The following PDGFRB variants were observed in gnomAD, a reference collection of about 807,000 sequenced individuals.
PDGFRB encodes the protein platelet derived growth factor receptor beta.
PDGFRB carries 42 observed loss-of-function variants against 120.2 expected under a neutral mutation model. That is an observed-to-expected ratio of 0.35 (90% CI 0.27 to 0.45). The LOEUF is 0.45. Ranked by LOEUF, PDGFRB falls within the 20% of genes least tolerant of loss-of-function variation. The pLI is 1.00. For missense variants in PDGFRB, 1,149 were observed against 1,476.3 expected, an observed-to-expected ratio of 0.78 and a Z score of 3.63; for synonymous variants, 586 against 606.8, an observed-to-expected ratio of 0.97 and a Z score of 0.50.
rs1167658274 is a variant in PDGFRB at position 150,132,069 on chromosome 5, G to A, written c.1153C>T (p.Arg385Cys). Reference protein sequence around the residue: ...TRYVSELTLVRVKVAEAGHYT... With the variant: ...TRYVSELTLVCVKVAEAGHYT... ...TGGCCAGCCTCTGCCACCTTCACGC[G>A]AACCAGTGTCAGCTCTGACACATAC... The change falls in exon 8 of 23, where the codon CGC becomes TGC. Residue 385 changes from arginine to cysteine, a missense_variant. Around this residue, in one of 3 missense-constraint regions of PDGFRB, gnomAD observed 879 missense variants for 1,108.6 expected, o/e 0.79. Coordinates refer to ENST00000261799, the MANE Select transcript of PDGFRB (RefSeq NM_002609.4). The surrounding 1 kb of genome is among the most constrained non-coding windows in gnomAD (Gnocchi z 5.0). The A allele has an allele frequency of 3.7e-6, 6 of 1,608,240 alleles. No individual in the cohort carries two copies. Among genetic ancestry groups the A allele is most frequent in the African/African-American group, 1.3e-5 (1 of 74,904 alleles).
At chr5:150,123,527 A>G (rs1760206844) in intron 14 of PDGFRB, among the ~76,000 whole-genome samples, 1 of 152,178 alleles carries the variant, frequency 6.6e-6, no homozygotes, top group South Asian at 2.1e-4. Context: ...TATGTTTTCA[A>G]ACTAAAGCTT....
intron 12 of PDGFRB, 101 bp downstream of exon 12, chr5:150,125,343 AG>A (rs1346066930): frequency 2.0e-6 from 2 of 982,614 alleles, no homozygotes; most frequent in Non-Finnish European, 3.0e-6. Context: ...CACCAGCCCT[AG>A]GTCTCATAGC....
Position 150,135,537 on chromosome 5 carries a change from C to G in PDGFRB, c.364+18G>C, listed in dbSNP as rs370626467. 52 of 1,537,470 alleles carry G rather than the reference C, an allele frequency of 3.4e-5. No homozygotes were observed. Among genetic ancestry groups the G allele is most frequent in the Non-Finnish European group, 3.9e-5 (44 of 1,122,688 alleles). On this transcript the variant is annotated intron_variant, in intron 3 of 22. Transcript: ENST00000261799. ...ACAAGAGGGGTAAGGAGTGGGCACA[C>G]AGGCTGGGAGCCCTTACCTGGCACA...
chr5:150,119,959 C>G (rs1376314677), intron 19 of PDGFRB, 53 bp downstream of exon 19: 1 of 923,062 alleles, frequency 1.1e-6, no homozygotes, highest in Non-Finnish European at 1.8e-6. Context: ...CATGAGTGGT[C>G]GAGGTAGACA....
At position 150,134,063 on chromosome 5, in the gene PDGFRB, T is replaced by G. The variant is rs11740355; in HGVS notation, c.632-55A>C. 0.096 allele frequency: 150,536 copies of G among 1,565,970 alleles called. 8,200 individuals carry two copies. Among genetic ancestry groups the G allele is most frequent in the Non-Finnish European group, 0.11 (120,730 of 1,137,740 alleles). ...GGAAGTCACCACCAGCCACTAGCAC[T>G]TCAGCTTGGGGATAGGGTAGGGGGC... On this transcript the variant is annotated intron_variant, in intron 4 of 22. Transcript: ENST00000261799.
At chr5:150,134,728 T>A in intron 4 of PDGFRB, 22 bp downstream of exon 4, 1 of 1,592,812 alleles carries the variant, frequency 6.3e-7, no homozygotes, top group African/African-American at 1.3e-5. Context: ...CTGCTGAGCA[T>A]CAGGCCAGAA....
rs748119964 is a variant in PDGFRB, at chr5:150,125,465, G to A, written c.1787C>T (p.Pro596Leu). 7 of 1,612,020 alleles carry A rather than the reference G, an allele frequency of 4.3e-6. No individual in the cohort carries two copies. The highest frequency in any genetic ancestry group is 2.2e-5 in the East Asian group (1 of 44,862). The change falls in exon 12 of 23, where the codon CCG (proline) becomes CTG (leucine). Residue 596 changes from proline to leucine, a missense_variant. Physicochemically the swap from Pro to Leu is moderately conservative, Grantham distance 98. Coordinates refer to ENST00000261799, the MANE Select transcript of PDGFRB (RefSeq NM_002609.4). ...CTGACCCAGCACAAGCTGGTCCCGC[G>A]GCAGCTCCCACGTGGAGTCATAGGG... ...QLPYDSTWEL[P>L]RDQLVLGRTL...
chr5:150,133,440 CG>C, intron 6 of PDGFRB, 145 bp downstream of exon 6: 1 of 719,244 alleles, frequency 1.4e-6, no homozygotes, highest in African/African-American at 1.7e-5. Context: ...GACTATACCC[CG>C]GGGCTGTGAC....
At chr5:150,130,216 C>T (rs1170795123) in intron 9 of PDGFRB, among the ~76,000 whole-genome samples, 2 of 152,204 alleles carry the variant, frequency 1.3e-5, no homozygotes, top group East Asian at 3.9e-4. Flanking sequence ...GGGGTAGAGG[C>T]AGAACCTGCA....
At position 150,120,921 on chromosome 5, in the gene PDGFRB, G is replaced by C. The variant is rs570277745; in HGVS notation, c.2553C>G (p.Ile851Met). 2 of 1,613,952 alleles carry C rather than the reference G, an allele frequency of 1.2e-6. No individual in the cohort carries two copies. Among genetic ancestry groups the C allele is most frequent in the African/African-American group, 2.7e-5 (2 of 75,020 alleles). Residue 851 changes from isoleucine to methionine, a missense_variant, in exon 18 of 23, where the codon ATC (isoleucine) becomes ATG (methionine). Physicochemically the swap from Ile to Met is conservative, Grantham distance 10 (BLOSUM62 1). Transcript: ENST00000261799. This position sits in a 1 kb window ranked among gnomAD's most constrained non-coding sequence, Gnocchi z 4.3. ...KICDFGLARD[I>M]MRDSNYISKG... ...TGGAGATGTAATTCGAGTCCCGCATGATGTCTCGAGCCAGGCCAAAGTCAC... is the reference window on the plus strand; with the variant it reads ...TGGAGATGTAATTCGAGTCCCGCATCATGTCTCGAGCCAGGCCAAAGTCAC...
intron 1 of PDGFRB, among the ~76,000 whole-genome samples, chr5:150,152,697 G>A (rs1761109509): frequency 6.6e-6 from 1 of 151,412 alleles, no homozygotes; most frequent in African/African-American, 2.5e-5. Flanking sequence ...GATGGACACG[G>A]ATCTTTGGAA....
intron 20 of PDGFRB, 51 bp downstream of exon 20, chr5:150,119,416 A>G: frequency 1.0e-6 from 1 of 998,028 alleles, no homozygotes; most frequent in Non-Finnish European, 1.6e-6. Flanking sequence ...AGAGTTGGAT[A>G]TCTATTGTTT....
chr5:150,130,056 C>G, intron 9 of PDGFRB, 88 bp from the exon 10 acceptor site: 3 of 1,046,882 alleles, frequency 2.9e-6, no homozygotes, highest in Non-Finnish European at 4.4e-6. Context: ...GGAGGCAGGA[C>G]GTGTCCAGTT....
Position 150,132,961 on chromosome 5 carries a change from AG to A in PDGFRB, c.935-20del. 6.5e-7 allele frequency: 1 copy of A among 1,533,886 alleles called. No individual in the cohort carries two copies. Among genetic ancestry groups the A allele is most frequent in the Non-Finnish European group, 8.8e-7 (1 of 1,134,452 alleles). The stretch of plus-strand genomic sequence containing the variant: ...CCGCTCTCTGCAAGGGGTGACCGTC[AG>A]GGGCGGGGCCCTGGGGGCAGGGCAC... On this transcript the variant is annotated intron_variant, in intron 6 of 22. Transcript: ENST00000261799. The surrounding 1 kb of genome is among the most constrained non-coding windows in gnomAD (Gnocchi z 5.0).
At chr5:150,124,133 G>A (rs1404593015) in intron 14 of PDGFRB, 117 bp downstream of exon 14, 2 of 646,558 alleles carry the variant, frequency 3.1e-6, no homozygotes, top group African/African-American at 3.7e-5. Flanking sequence ...GGAGCGGGTG[G>A]GCACGGACCC....
chr5:150,121,976 C>T lies in PDGFRB; in HGVS notation c.2248G>A (p.Asp750Asn). The change falls in exon 16 of 23, where the codon GAC becomes AAC. Residue 750 changes from aspartate (D) to asparagine (N), a missense_variant. Coordinates refer to ENST00000261799, the MANE Select transcript of PDGFRB (RefSeq NM_002609.4). The surrounding 1 kb of genome is among the most constrained non-coding windows in gnomAD (Gnocchi z 4.1). ...YMDMSKDESVDYVPMLDMKGD... is the reference protein window; with the variant it reads ...YMDMSKDESVNYVPMLDMKGD... ...TTCATGTCCAGCATGGGCACATAGT[C>T]CACCGACTCGTCCTTGCTCATGTCC... The T allele has an allele frequency of 6.2e-7, 1 of 1,613,488 alleles. No individual in the cohort carries two copies. Among genetic ancestry groups the T allele is most frequent in the Non-Finnish European group, 8.5e-7 (1 of 1,179,442 alleles).
At position 150,155,824 on chromosome 5, in the gene PDGFRB, C is replaced by T. The variant is rs7718187; in HGVS notation, c.-434G>A. 5.8e-5 allele frequency: 23 copies of T among 396,838 alleles called. No homozygotes were observed. The highest frequency in any genetic ancestry group is 1.4e-4 in the African/African-American group (7 of 48,586). 24.6% of individuals were successfully genotyped at this position (396,838 alleles called of 1,614,324 possible). On this transcript the variant is annotated 5_prime_UTR_variant, in exon 1 of 23. Transcript: ENST00000261799. ...GAGCGATCCTGGGTCCCAGATAGGG[C>T]GGGCAGTCACTGCTGGCTGCTGGCA...
intron 1 of PDGFRB, among the ~76,000 whole-genome samples, chr5:150,142,634 C>G (rs566485556): frequency 2.3e-4 from 35 of 150,256 alleles, no homozygotes; most frequent in African/African-American, 6.3e-4. Context: ...AGTGGTCCCC[C>G]CTATCTGCAG....
intron 2 of PDGFRB, among the ~76,000 whole-genome samples, chr5:150,136,094 G>A (rs1027258041): frequency 8.5e-5 from 13 of 152,306 alleles, no homozygotes; most frequent in South Asian, 2.1e-4. Context: ...TGTCAGTCCC[G>A]TTAGACCCCA....
Sources: allele counts gnomAD v4.1 joint callset (sites outside exome capture counted in the v4.1 genomes callset), GRCh38; gene constraint gnomAD v4.1.1; regional missense constraint gnomAD v4.1.1; non-coding constraint Gnocchi (gnomAD v3.1); transcripts MANE v1.5; gene names NCBI Gene and HGNC (gene_info 2026-07-23, HGNC 2026-07-21).